The following LIMCH1 variants were observed in gnomAD, a reference collection of about 807,000 sequenced individuals.
LIMCH1 encodes the protein LIM and calponin homology domains 1.
Under a neutral mutation model 176.5 loss-of-function variants are expected in LIMCH1, and 113 were observed. That is an observed-to-expected ratio of 0.64 (90% CI 0.55 to 0.75). LIMCH1 has a LOEUF of 0.75. LIMCH1 is among the 30% of genes least tolerant of loss of function. The pLI is 0.00. For synonymous variants in LIMCH1, 619 were observed against 645.9 expected, an observed-to-expected ratio of 0.96 and a Z score of 0.63; for missense variants, 1,674 against 1,814.9, an observed-to-expected ratio of 0.92 and a Z score of 1.41.
chr4:41,463,829 T>C (rs2065730018), intron 1 of LIMCH1, among the ~76,000 whole-genome samples: 1 of 152,020 alleles, frequency 6.6e-6, no homozygotes, highest in Non-Finnish European at 1.5e-5. Context: ...TTCACCTGAC[T>C]CAGCCTCCCA....
chr4:41,476,727 C>T (rs999015061), intron 1 of LIMCH1, among the ~76,000 whole-genome samples: 1 of 152,194 alleles, frequency 6.6e-6, no homozygotes, highest in African/African-American at 2.4e-5. Context: ...CCCCTCCACC[C>T]TCCCTTAATG....
At chr4:41,676,869 T>C (rs1241889651) in intron 23 of LIMCH1, among the ~76,000 whole-genome samples, 1 of 152,152 alleles carries the variant, frequency 6.6e-6, no homozygotes, top group African/African-American at 2.4e-5. Flanking sequence ...AAACTTTTGC[T>C]CTACCTTTGA....
At chr4:41,626,357 T>A (rs1367437646) in intron 7 of LIMCH1, among the ~76,000 whole-genome samples, 1 of 152,182 alleles carries the variant, frequency 6.6e-6, no homozygotes, top group Non-Finnish European at 1.5e-5. Context: ...TGGGTACTCA[T>A]GTGCTAAAGA....
intron 1 of LIMCH1, among the ~76,000 whole-genome samples, chr4:41,571,016 C>T (rs73146357): frequency 0.059 from 8,979 of 151,874 alleles, 854 homozygotes; most frequent in African/African-American, 0.2. Context: ...GATTGTTGAC[C>T]GTAAGAGGAT....
chr4:41,685,828 G>T lies in LIMCH1; in HGVS notation c.4086G>T (p.Arg1362=). ...NHQIESPSER[R]KKSPREHFQA... is the part of the protein sequence containing the mutation. ...AGATCGAGTCTCCCAGTGAAAGGCG[G>T]AAGTGAGTAACCAGACACGATGGTT... The change falls in exon 28 of 32, where the codon CGG becomes CGT. Residue 1362 remains arginine (R), a splice_region_variant and synonymous_variant. Coordinates refer to ENST00000503057, the MANE Select transcript of LIMCH1 (RefSeq NM_001330672.2). The T allele has an allele frequency of 6.2e-7, 1 of 1,612,418 alleles. No homozygotes were observed. The highest frequency in any genetic ancestry group is 8.5e-7 in the Non-Finnish European group (1 of 1,179,208).
In LIMCH1 at chr4:41,646,796, C is replaced by G; in HGVS notation, c.2723C>G (p.Ser908Cys). 1 of 1,614,172 alleles carries G rather than the reference C, an allele frequency of 6.2e-7. No individual in the cohort carries two copies. Among genetic ancestry groups the G allele is most frequent in the Non-Finnish European group, 8.5e-7 (1 of 1,180,028 alleles). ...LDTSMSAGSG[S>C]PSKTVTPKAV... ...ACCAGCATGTCAGCAGGCAGTGGGT[C>G]TCCAAGCAAAACTGTCACTCCCAAA... Residue 908 changes from serine to cysteine, a missense_variant, in exon 17 of 32, where the codon TCT (serine) becomes TGT (cysteine). Ser to Cys is a moderately radical substitution (Grantham distance 112, BLOSUM62 -1). Transcript: ENST00000503057.
At chr4:41,493,452 A>G (rs900392303) in intron 1 of LIMCH1, among the ~76,000 whole-genome samples, 3 of 140,598 alleles carry the variant, frequency 2.1e-5, no homozygotes, top group Non-Finnish European at 3.1e-5. Context: ...CAAAAATATT[A>G]AAAAAAAAAA....
chr4:41,658,594 T>C (rs1240110455), intron 18 of LIMCH1, among the ~76,000 whole-genome samples: 1 of 152,208 alleles, frequency 6.6e-6, no homozygotes, highest in Non-Finnish European at 1.5e-5. Flanking sequence ...AACTATCTTA[T>C]TTCATTGATT....
intron 3 of LIMCH1, among the ~76,000 whole-genome samples, chr4:41,531,473 G>GTC (rs1325133438): frequency 4.5e-4 from 19 of 42,158 alleles, no homozygotes; most frequent in Admixed American, 1.2e-3. Context: ...GTCTTTCTCT[G>GTC]TCACACACAC....
intron 1 of LIMCH1, among the ~76,000 whole-genome samples, chr4:41,438,152 A>G (rs2062291303): frequency 6.6e-6 from 1 of 152,154 alleles, no homozygotes; most frequent in African/African-American, 2.4e-5. Context: ...ATTGACCCTC[A>G]TATTGAACAG....
At chr4:41,506,613 A>G (rs1472525754) in intron 2 of LIMCH1, among the ~76,000 whole-genome samples, 1 of 152,222 alleles carries the variant, frequency 6.6e-6, no homozygotes, top group Non-Finnish European at 1.5e-5. Context: ...TTTAATCTCC[A>G]AGATTTAATA....
chr4:41,441,138 G>T (rs985320652), intron 1 of LIMCH1, among the ~76,000 whole-genome samples: 3 of 152,104 alleles, frequency 2.0e-5, no homozygotes, highest in Non-Finnish European at 4.4e-5. Context: ...TATTGCTAGG[G>T]ATTTTTAATT....
chr4:41,463,688 A>T (rs781169056), intron 1 of LIMCH1, among the ~76,000 whole-genome samples: 1 of 150,286 alleles, frequency 6.7e-6, no homozygotes, highest in Non-Finnish European at 1.5e-5. Context: ...CGATGCTTCC[A>T]CCTCAGCACC....
chr4:41,405,549 T>C (rs1256264807), intron 1 of LIMCH1, among the ~76,000 whole-genome samples: 1 of 152,118 alleles, frequency 6.6e-6, no homozygotes. Flanking sequence ...GGTTCTGCAG[T>C]TGAGTCTTTC....
chr4:41,538,651 A>C (rs1361961639), intron 1 of LIMCH1, among the ~76,000 whole-genome samples: 2 of 151,988 alleles, frequency 1.3e-5, no homozygotes, highest in East Asian at 1.9e-4. Flanking sequence ...TCAAAATAAA[A>C]AGGATTTTTG....
chr4:41,438,093 T>C (rs1337406923), intron 1 of LIMCH1, among the ~76,000 whole-genome samples: 1 of 152,212 alleles, frequency 6.6e-6, no homozygotes, highest in Non-Finnish European at 1.5e-5. Flanking sequence ...CCTTTTTTTT[T>C]CTACATAGCT....
intron 1 of LIMCH1, among the ~76,000 whole-genome samples, chr4:41,580,049 T>A (rs543553213): frequency 3.2e-4 from 49 of 152,300 alleles, no homozygotes; most frequent in African/African-American, 8.7e-4. Flanking sequence ...CAATTTACAT[T>A]TGACACACAG....
rs1343841992 is a variant in LIMCH1 at position 41,646,931 on chromosome 4, CT to C, written c.2820+39del. 5.8e-6 allele frequency: 9 copies of C among 1,549,240 alleles called. No individual in the cohort carries two copies. The African/African-American group carries it at 1.1e-4, about 19-fold the overall frequency. On this transcript the variant is annotated intron_variant, in intron 17 of 31. Transcript: ENST00000503057. ...CCTTAAGAGTAGAACCAAAGCTGAA[CT>C]CCAGGGAGTGGATGGAAAGAAGCAT...
chr4:41,547,949 A>G (rs1316835940), intron 1 of LIMCH1, among the ~76,000 whole-genome samples: 4 of 147,640 alleles, frequency 2.7e-5, no homozygotes, highest in Admixed American at 1.4e-4. Context: ...AAAGATGACT[A>G]TAGTAATGGT....
Sources: gnomAD v4.1 joint callset for allele counts (sites outside exome capture counted in the v4.1 genomes callset) on GRCh38, gnomAD v4.1.1 for gene constraint, MANE v1.5 for transcripts, NCBI Gene and HGNC (gene_info 2026-07-23, HGNC 2026-07-21) for gene names.